The following SNX31 variants were observed in gnomAD, a reference collection of about 807,000 sequenced individuals.
SNX31 encodes the protein sorting nexin 31, also known as sorting nexin-31.
A neutral mutation model predicts 65.4 loss-of-function variants in SNX31; 58 were observed. That is an observed-to-expected ratio of 0.89 (90% CI 0.72 to 1.10). The LOEUF (loss-of-function observed/expected upper bound fraction) is 1.10, where lower values mean the gene tolerates loss of function less well. Among genes scored for constraint, SNX31 ranks in the 50% least tolerant of loss-of-function variants. SNX31 has a pLI of 0.00. For missense variants in SNX31, 523 were observed against 529.7 expected (o/e 0.99, Z 0.12); for synonymous variants, 181 against 190.1 (o/e 0.95, Z 0.39).
In SNX31 at chr8:100,623,992, C is replaced by T. The variant is rs536758982; in HGVS notation, c.322-6262G>A. 2.0e-5 allele frequency among the ~76,000 whole-genome samples: 3 copies of T among 148,594 alleles called. No homozygotes were observed. In the South Asian group the frequency reaches 6.4e-4, roughly 32 times the overall value. On this transcript the variant is annotated intron_variant, in intron 4 of 13. Coordinates refer to ENST00000311812, the MANE Select transcript of SNX31 (RefSeq NM_152628.4). ...TTTCTGTTAAGTGATTCAGTTTTAA[C>T]TCCAGTTGGGGGGGAGGTGGGGGGA...
chr8:100,583,256 A>G (rs1234935376), intron 12 of SNX31, among the ~76,000 whole-genome samples: 2 of 151,498 alleles, frequency 1.3e-5, no homozygotes, highest in Admixed American at 1.3e-4. Flanking sequence ...ACAGGTACCC[A>G]CCACCACACC....
At chr8:100,632,429 G>A (rs936487033) in intron 3 of SNX31, among the ~76,000 whole-genome samples, 1 of 152,074 alleles carries the variant, frequency 6.6e-6, no homozygotes, top group African/African-American at 2.4e-5. Context: ...ATGGGAAATA[G>A]ATGGCTTCTA....
chr8:100,583,797 A>T (rs1258253880), intron 12 of SNX31, among the ~76,000 whole-genome samples: 1 of 152,208 alleles, frequency 6.6e-6, no homozygotes. Flanking sequence ...TAGCTTCTGT[A>T]ATAAATCTGA....
In SNX31 at chr8:100,613,526, C is replaced by G. The variant is rs1004189702; in HGVS notation, c.433-441G>C. Among the ~76,000 whole-genome samples, 1 of 152,186 alleles carries G rather than the reference C, an allele frequency of 6.6e-6. No homozygotes were observed. The highest frequency in any genetic ancestry group is 1.5e-5 in the Non-Finnish European group (1 of 68,024). ...TATTTGGAAAAGGATCACTCCCCGC[C>G]GCTTGGCTGGCATACAAACGTGCAT... On this transcript the variant is annotated intron_variant, in intron 5 of 13. Transcript: ENST00000311812. The surrounding 1 kb of genome is among the most constrained non-coding windows in gnomAD (Gnocchi z 5.2).
chr8:100,636,484 T>C (rs1818783698), intron 2 of SNX31, among the ~76,000 whole-genome samples: 1 of 152,220 alleles, frequency 6.6e-6, no homozygotes, highest in African/African-American at 2.4e-5. Flanking sequence ...TGAACGTCGC[T>C]AGTTTGGATT....
intron 8 of SNX31, among the ~76,000 whole-genome samples, chr8:100,602,285 CCTTAAATATTGCTGTTTAGG>C (rs1815714443): frequency 6.6e-6 from 1 of 152,104 alleles, no homozygotes; most frequent in Non-Finnish European, 1.5e-5. Context: ...GCTAAATACG[CCTTAAATATTGCTGTTTAGG>C]CTGGGGGAAA....
rs1818312949 is a variant in SNX31 at position 100,630,074 on chromosome 8, A to G, written c.321+253T>C. Among the ~76,000 whole-genome samples the G allele has an allele frequency of 6.6e-6, 1 of 152,244 alleles. No individual in the cohort carries two copies. Among genetic ancestry groups the G allele is most frequent in the South Asian group, 2.1e-4 (1 of 4,836 alleles). ...TTTTGAGATGTATGATTCTTAGGCT[A>G]CAGAAAAAGGGATCTACTTAATAAA... On this transcript the variant is annotated intron_variant, in intron 4 of 13. Transcript: ENST00000311812. This position sits in a 1 kb window ranked among gnomAD's most constrained non-coding sequence, Gnocchi z 5.3.
At position 100,613,973 on chromosome 8, in the gene SNX31, G is replaced by A. The variant is rs1030546323; in HGVS notation, c.433-888C>T. ...TGCCCTCCAGAGCTGCTTTACCCAC[G>A]ACTCCCAGTTCTCTAGGTGGCAGTT... On this transcript the variant is annotated intron_variant, in intron 5 of 13. Transcript: ENST00000311812. This position sits in a 1 kb window ranked among gnomAD's most constrained non-coding sequence, Gnocchi z 5.2. 2.0e-5 allele frequency among the ~76,000 whole-genome samples: 3 copies of A among 152,068 alleles called. No individual in the cohort carries two copies. The highest frequency in any genetic ancestry group is 2.4e-5 in the African/African-American group (1 of 41,400).
At chr8:100,616,721 A>G (rs981715762) in intron 5 of SNX31, among the ~76,000 whole-genome samples, 2 of 152,176 alleles carry the variant, frequency 1.3e-5, no homozygotes, top group African/African-American at 4.8e-5. Context: ...GATGAATATA[A>G]GAGAGACTGG....
chr8:100,579,875 T>C (rs931240494), intron 12 of SNX31, among the ~76,000 whole-genome samples: 11 of 152,160 alleles, frequency 7.2e-5, no homozygotes, highest in South Asian at 2.1e-4. Context: ...ATAAATTGTT[T>C]CTTGCCAGGC....
intron 1 of SNX31, among the ~76,000 whole-genome samples, chr8:100,658,898 C>G (rs1809717202): frequency 6.6e-6 from 1 of 152,206 alleles, no homozygotes; most frequent in Non-Finnish European, 1.5e-5. Flanking sequence ...TGCCCACTGG[C>G]TGCTAGGCTT....
At chr8:100,600,163 A>G (rs1424995688) in intron 9 of SNX31, among the ~76,000 whole-genome samples, 186 bp downstream of exon 9, 2 of 152,202 alleles carry the variant, frequency 1.3e-5, no homozygotes, top group East Asian at 3.8e-4. Flanking sequence ...TTTTTTTTAG[A>G]ATCTTTAAAC....
In SNX31 at chr8:100,614,102, C is replaced by G. The variant is rs1229737381; in HGVS notation, c.433-1017G>C. The stretch of plus-strand genomic sequence containing the variant: ...GGCTGGTATGAGTGGGTGTTCTCAG[C>G]ATAGCTTTGAAAATAAAGAGCAGCT... On this transcript the variant is annotated intron_variant, in intron 5 of 13. Transcript: ENST00000311812. This position sits in a 1 kb window ranked among gnomAD's most constrained non-coding sequence, Gnocchi z 5.1. Among the ~76,000 whole-genome samples, 1 of 152,196 alleles carries G rather than the reference C, an allele frequency of 6.6e-6. No individual in the cohort carries two copies. The highest frequency in any genetic ancestry group is 1.5e-5 in the Non-Finnish European group (1 of 68,046).
chr8:100,598,580 C>T (rs1397058051), intron 9 of SNX31, among the ~76,000 whole-genome samples: 1 of 150,844 alleles, frequency 6.6e-6, no homozygotes, highest in Non-Finnish European at 1.5e-5. Context: ...ATTTGACATT[C>T]GATAAAAGGG....
At chr8:100,608,340 C>A (rs1251829901) in intron 8 of SNX31, among the ~76,000 whole-genome samples, 154 bp downstream of exon 8, 2 of 152,114 alleles carry the variant, frequency 1.3e-5, no homozygotes, top group Non-Finnish European at 1.5e-5. Context: ...CCCCCCACAG[C>A]CCCTGGTAAT....
intron 13 of SNX31, among the ~76,000 whole-genome samples, chr8:100,574,417 A>C (rs1812864849): frequency 1.3e-5 from 2 of 152,148 alleles, no homozygotes; most frequent in South Asian, 4.1e-4. Context: ...GCAGATCACG[A>C]GTTCAGGAGA....
chr8:100,581,963 C>A lies in SNX31; in HGVS notation c.1170+2148G>T, dbSNP rs1333941030. Among the ~76,000 whole-genome samples the A allele has an allele frequency of 2.0e-5, 3 of 152,146 alleles. No individual in the cohort carries two copies. The South Asian group carries it at 6.2e-4, about 32-fold the overall frequency. On this transcript the variant is annotated intron_variant, in intron 12 of 13. Transcript: ENST00000311812. ...GAGATTAAAATGCAGACTATCCTTA[C>A]AAAATCCTCTTGGAAACCCAATTTT...
At position 100,576,993 on chromosome 8, in the gene SNX31, C is replaced by T. The variant is rs6997639; in HGVS notation, c.1227+26G>A. 6.6e-5 allele frequency: 103 copies of T among 1,571,774 alleles called. No individual in the cohort carries two copies. The African/African-American group carries it at 1.1e-3, about 17-fold the overall frequency. ...TCAGATTTATCAAAATTATAATGTA[C>T]CAATTACATAATTTTACTCACAGAC... On this transcript the variant is annotated intron_variant, in intron 13 of 13. Coordinates refer to ENST00000311812, the MANE Select transcript of SNX31 (RefSeq NM_152628.4). The surrounding 1 kb of genome is among the most constrained non-coding windows in gnomAD (Gnocchi z 4.8).
At position 100,604,257 on chromosome 8, in the gene SNX31, G is replaced by GA. The variant is rs1563538076; in HGVS notation, c.682-3817dup. 6.6e-6 allele frequency among the ~76,000 whole-genome samples: 1 copy of GA among 151,634 alleles called. No homozygotes were observed. Among genetic ancestry groups the GA allele is most frequent in the African/African-American group, 2.4e-5 (1 of 41,352 alleles). ...AAGCATCCTAAAGGTGCTGCAGATAGAAAAAAAGAAAAAAATAATAAAATT... is the reference window on the plus strand; with the variant it reads ...AAGCATCCTAAAGGTGCTGCAGATAGAAAAAAAAGAAAAAAATAATAAAATT... On this transcript the variant is annotated intron_variant, in intron 8 of 13. Coordinates refer to ENST00000311812, the MANE Select transcript of SNX31 (RefSeq NM_152628.4). The surrounding 1 kb of genome is among the most constrained non-coding windows in gnomAD (Gnocchi z 4.3).
Sources: gnomAD v4.1 joint callset for allele counts (sites outside exome capture counted in the v4.1 genomes callset) on GRCh38, gnomAD v4.1.1 for gene constraint, Gnocchi (gnomAD v3.1) non-coding constraint, MANE v1.5 for transcripts, NCBI Gene and HGNC (gene_info 2026-07-23, HGNC 2026-07-21) for gene names.